The following MCMBP variants were observed in gnomAD, a reference collection of about 807,000 sequenced individuals.
MCMBP encodes the protein minichromosome maintenance complex binding protein, also known as mini-chromosome maintenance complex-binding protein.
In MCMBP, 31 loss-of-function variants were observed where a neutral mutation model predicts 81.3. The observed-to-expected ratio is 0.38, with a 90% CI of 0.29 to 0.51. The LOEUF (loss-of-function observed/expected upper bound fraction) is 0.51. Among genes scored for constraint, MCMBP ranks in the 20% least tolerant of loss-of-function variants. The pLI, the probability that MCMBP is intolerant of heterozygous loss-of-function variation, is 0.87. For missense variants in MCMBP, 645 were observed against 772.1 expected (o/e 0.84, Z 1.95); for synonymous variants, 267 against 275.9 (o/e 0.97, Z 0.32).
chr10:119,843,067 G>C, intron 9 of MCMBP, 187 bp downstream of exon 9: 1 of 640,026 alleles, frequency 1.6e-6, no homozygotes, highest in South Asian at 1.7e-5. Flanking sequence ...ATACTCTTTT[G>C]TCCTCATTTC....
intron 1 of MCMBP, among the ~76,000 whole-genome samples, chr10:119,863,130 T>C (rs1037136910): frequency 2.0e-5 from 3 of 152,206 alleles, no homozygotes; most frequent in African/African-American, 7.2e-5. Context: ...GAATTTTTTT[T>C]TACAGAACAA....
At chr10:119,849,289 T>C (rs1395427028) in intron 7 of MCMBP, 136 bp downstream of exon 7, 12 of 848,574 alleles carry the variant, frequency 1.4e-5, no homozygotes, top group Non-Finnish European at 2.1e-5. Flanking sequence ...AAACTTTTGC[T>C]GCTTTAGGCT....
At chr10:119,841,539 A>T (rs1173383206) in intron 10 of MCMBP, among the ~76,000 whole-genome samples, 1 of 152,252 alleles carries the variant, frequency 6.6e-6, no homozygotes, top group African/African-American at 2.4e-5. Flanking sequence ...TATGATGGGA[A>T]AATGTTTAAT....
At position 119,836,986 on chromosome 10, in the gene MCMBP, C is replaced by A. The variant is rs34118671; in HGVS notation, c.1452G>T (p.Gln484His). The A allele has an allele frequency of 6.2e-7, 1 of 1,613,518 alleles. No homozygotes were observed. The highest frequency in any genetic ancestry group is 8.5e-7 in the Non-Finnish European group (1 of 1,179,744). ...VTALSNLITW[Q>H]KVDYDFSYHQ... is the part of the protein sequence containing the mutation. ...GGTAGCTGAAGTCATAATCCACCTTCTGCCACGTTATGAGGTTGCTCAGGG... is the reference window on the plus strand; with the variant it reads ...GGTAGCTGAAGTCATAATCCACCTTATGCCACGTTATGAGGTTGCTCAGGG... Residue 484 changes from glutamine (Q) to histidine (H), a missense_variant, in exon 13 of 16, where the codon CAG becomes CAT. Coordinates refer to ENST00000369077, the MANE Select transcript of MCMBP (RefSeq NM_001256378.2).
intron 6 of MCMBP, among the ~76,000 whole-genome samples, chr10:119,850,874 G>GTTTTTTTTTTTTTTTTTTTTTTTTT (rs1284100421): frequency 1.6e-4 from 21 of 130,534 alleles, no homozygotes; most frequent in South Asian, 7.2e-4. Context: ...TACAAGATCT[G>GTTTTTTTTTTTTTTTTTTTTTTTTT]TTTTTTTTTT....
In MCMBP at chr10:119,831,023, T is replaced by TA. The variant is rs1460828543; in HGVS notation, c.*450dup. On this transcript the variant is annotated 3_prime_UTR_variant, in exon 16 of 16. Transcript: ENST00000369077. The stretch of plus-strand genomic sequence containing the variant: ...ACGCCTCCGTTCCCCAAAGATGGAC[T>TA]ACTGAATGCACCCCAACCCACTGTG... 1 of 152,746 alleles carries TA rather than the reference T, an allele frequency of 6.5e-6. No homozygotes were observed. Among genetic ancestry groups the TA allele is most frequent in the African/African-American group, 2.4e-5 (1 of 41,452 alleles). The allele number at this position is 152,746 out of a possible 1,614,324, so 9.5% of individuals were successfully genotyped here. A position where few individuals can be genotyped will look rare whatever the true frequency, so the allele number is the denominator to read the frequency against.
At position 119,857,457 on chromosome 10, in the gene MCMBP, A is replaced by T; in HGVS notation, c.328-18T>A. 6.5e-7 allele frequency: 1 copy of T among 1,528,326 alleles called. No individual in the cohort carries two copies. The highest frequency in any genetic ancestry group is 8.8e-7 in the Non-Finnish European group (1 of 1,131,552). The allele number at this position is 1,528,326 out of a possible 1,614,324, so 94.7% of individuals were successfully genotyped here. ...TGTTGAGGCTGTGATATACATAAAA[A>T]GTGTTTTTAAAAATTTACTTTAAAA... On this transcript the variant is annotated intron_variant, in intron 4 of 15. Transcript: ENST00000369077.
intron 1 of MCMBP, among the ~76,000 whole-genome samples, chr10:119,867,007 T>A (rs1853483854): frequency 6.6e-6 from 1 of 151,220 alleles, no homozygotes; most frequent in South Asian, 2.1e-4. Flanking sequence ...AAGCGGTTAC[T>A]TCAGGCAGGG....
chr10:119,860,103 A>G (rs1853200271), intron 1 of MCMBP, among the ~76,000 whole-genome samples: 1 of 152,190 alleles, frequency 6.6e-6, no homozygotes, highest in African/African-American at 2.4e-5. Context: ...GGGAAGGGGC[A>G]GTTACAAATC....
chr10:119,865,342 A>G (rs1853414322), intron 1 of MCMBP, among the ~76,000 whole-genome samples: 1 of 152,216 alleles, frequency 6.6e-6, no homozygotes, highest in Non-Finnish European at 1.5e-5. Flanking sequence ...CCGTAATCCC[A>G]GCACTTAGGG....
In MCMBP at chr10:119,831,411, A is replaced by G. The variant is rs947142140; in HGVS notation, c.*63T>C. 9.5e-6 allele frequency: 15 copies of G among 1,587,142 alleles called. No individual in the cohort carries two copies. The highest frequency in any genetic ancestry group is 1.7e-4 in the Middle Eastern group (1 of 5,720). ...CTATAAAACAATGTGGTATAAATGA[A>G]TATCTGAATTTTACAATTATGTGGC... is the stretch of plus-strand genomic sequence containing the variant. On this transcript the variant is annotated 3_prime_UTR_variant, in exon 16 of 16. Coordinates refer to ENST00000369077, the MANE Select transcript of MCMBP (RefSeq NM_001256378.2).
At chr10:119,831,656 A>AT (rs910536434) in intron 15 of MCMBP, 56 bp from the exon 16 acceptor site, 15 of 1,585,572 alleles carry the variant, frequency 9.5e-6, no homozygotes, top group South Asian at 2.3e-5. Flanking sequence ...TAAGTTTTAA[A>AT]TTTTTTTTAA....
rs1411719574 is a variant in MCMBP, at chr10:119,829,992, A to G, written c.*1482T>C. 6.6e-6 allele frequency: 1 copy of G among 152,640 alleles called. No individual in the cohort carries two copies. The highest frequency in any genetic ancestry group is 1.5e-5 in the Non-Finnish European group (1 of 68,036). 9.5% of individuals were successfully genotyped at this position (152,640 alleles called of 1,614,324 possible). A position where few individuals can be genotyped will look rare whatever the true frequency, so the allele number is the denominator to read the frequency against. Reference sequence around the variant, plus strand: ...ACAAATCCAGTGAAGCCTTCATTTTATTTCTAAAAGTTTAAGGAAGGTCTA... The same window carrying G: ...ACAAATCCAGTGAAGCCTTCATTTTGTTTCTAAAAGTTTAAGGAAGGTCTA... On this transcript the variant is annotated 3_prime_UTR_variant, in exon 16 of 16. Coordinates refer to ENST00000369077, the MANE Select transcript of MCMBP (RefSeq NM_001256378.2).
intron 1 of MCMBP, among the ~76,000 whole-genome samples, chr10:119,868,063 A>G (rs949440222): frequency 1.3e-5 from 2 of 152,210 alleles, no homozygotes; most frequent in African/African-American, 4.8e-5. Flanking sequence ...TAGTTCTGTT[A>G]GATACAACCA....
rs1297695270 is a variant in MCMBP, at chr10:119,835,566, A to G, written c.1681T>C (p.Tyr561His). 11 of 1,614,052 alleles carry G rather than the reference A, an allele frequency of 6.8e-6. No individual in the cohort carries two copies. Among genetic ancestry groups the G allele is most frequent in the African/African-American group, 1.3e-5 (1 of 74,944 alleles). The change falls in exon 14 of 16, where the codon TAT (tyrosine) becomes CAT (histidine). Residue 561 changes from tyrosine (Y) to histidine (H), a missense_variant. Coordinates refer to ENST00000369077, the MANE Select transcript of MCMBP (RefSeq NM_001256378.2). ...IYLTLLRFLE[Y>H]SISDEITKAV... ...TTGGTTATTTCATCAGATATGCTAT[A>G]TTCCAAGAATCTCAAAAGAGTTAGA...
At chr10:119,847,858 G>C (rs951756555) in intron 7 of MCMBP, 145 bp from the exon 8 acceptor site, 3 of 472,470 alleles carry the variant, frequency 6.3e-6, no homozygotes, top group African/African-American at 4.0e-5. Context: ...TATAAATTGA[G>C]ACCAAGAGTC....
At chr10:119,836,757 GTTTTTTTTTTTTTTTTT>G (rs199759464) in intron 13 of MCMBP, 122 bp downstream of exon 13, 7,658 of 295,934 alleles carry the variant, frequency 0.026, 173 homozygotes, top group East Asian at 0.066. Context: ...AGCAGTCACA[GTTTTTTTTTTTTTTTTT>G]TTTTTTTTTT....
In MCMBP at chr10:119,863,379, A is replaced by G. The variant is rs933698943; in HGVS notation, c.59-3495T>C. Among the ~76,000 whole-genome samples the G allele has an allele frequency of 3.9e-5, 6 of 152,288 alleles. No homozygotes were observed. The East Asian group carries it at 1.2e-3, about 29-fold the overall frequency. On this transcript the variant is annotated intron_variant, in intron 1 of 15. Transcript: ENST00000369077. ...TTTCCATGTAAATGTTAAATTGTTC[A>G]TGTCTTTGATGAAAAGAATATCCTT...
chr10:119,858,815 G>C, intron 4 of MCMBP, 69 bp downstream of exon 4: 1 of 1,104,572 alleles, frequency 9.1e-7, no homozygotes, highest in Non-Finnish European at 1.3e-6. Context: ...TTTAAGATTA[G>C]CTAAACAAAT....
Sources: allele counts gnomAD v4.1 joint callset (sites outside exome capture counted in the v4.1 genomes callset), GRCh38; gene constraint gnomAD v4.1.1; transcripts MANE v1.5; gene names NCBI Gene and HGNC (gene_info 2026-07-23, HGNC 2026-07-21).